The following MMAB variants were observed in gnomAD, a reference collection of about 807,000 sequenced individuals.
The protein encoded by MMAB is metabolism of cobalamin associated B, also known as corrinoid adenosyltransferase MMAB.
In MMAB, 17 loss-of-function variants were observed where a neutral mutation model predicts 30.6. That is an observed-to-expected ratio of 0.56 (90% confidence interval 0.38 to 0.83). MMAB has a LOEUF of 0.83. MMAB is among the 40% of genes least tolerant of loss of function. MMAB has a pLI of 0.00. For synonymous variants in MMAB, 134 were observed against 138.6 expected, an observed-to-expected ratio of 0.97 and a Z score of 0.23; for missense variants, 311 against 331.6, an observed-to-expected ratio of 0.94 and a Z score of 0.48.
In MMAB at chr12:109,555,557, G is replaced by A. The variant is rs1282701916; in HGVS notation, c.*1471C>T. 8 of 446,860 alleles carry A rather than the reference G, an allele frequency of 1.8e-5. No individual in the cohort carries two copies. Among genetic ancestry groups the A allele is most frequent in the Non-Finnish European group, 3.6e-5 (8 of 224,252 alleles). The allele number at this position is 446,860 out of a possible 1,614,324, so 27.7% of individuals were successfully genotyped here. A position where few individuals can be genotyped will look rare whatever the true frequency, so the allele number is the denominator to read the frequency against. ...GATCTGCCTGCCTCGGCCTCCCAAA[G>A]TCCGTTTTCAGCTCTGTTTTGCAAA... On this transcript the variant is annotated 3_prime_UTR_variant, in exon 9 of 9. Coordinates refer to ENST00000545712, the MANE Select transcript of MMAB (RefSeq NM_052845.4).
Position 109,555,508 on chromosome 12 carries a change from G to T in MMAB, c.*1520C>A, listed in dbSNP as rs1381372727. On this transcript the variant is annotated 3_prime_UTR_variant, in exon 9 of 9. Coordinates refer to ENST00000545712, the MANE Select transcript of MMAB (RefSeq NM_052845.4). ...GGGGTTTTACCATGTTGACCAGGCT[G>T]GTCTCAAACTCCTGACCTCAGGTGA... The T allele has an allele frequency of 2.4e-6, 1 of 419,138 alleles. No individual in the cohort carries two copies. Among genetic ancestry groups the T allele is most frequent in the Non-Finnish European group, 4.6e-6 (1 of 215,722 alleles). The allele number at this position is 419,138 out of a possible 1,614,324, so 26.0% of individuals were successfully genotyped here.
At chr12:109,567,166 G>T in intron 3 of MMAB, 5 of 358,960 alleles carry the variant, frequency 1.4e-5, no homozygotes, top group Admixed American at 3.5e-5. Context: ...GCGAAACTCC[G>T]TCTCGGAAAA....
chr12:109,564,798 T>C (rs1227812429), intron 4 of MMAB: 1 of 451,928 alleles, frequency 2.2e-6, no homozygotes, highest in Non-Finnish European at 4.1e-6. Context: ...CCTACCTCAG[T>C]TTCCTGAGTA....
At chr12:109,560,778 T>C (rs1298350559) in intron 7 of MMAB, among the ~76,000 whole-genome samples, 1 of 152,186 alleles carries the variant, frequency 6.6e-6, no homozygotes, top group African/African-American at 2.4e-5. Flanking sequence ...CATGTCACTG[T>C]CTCCACTTCA....
At chr12:109,570,026 C>A in intron 2 of MMAB, 1 of 249,822 alleles carries the variant, frequency 4.0e-6, no homozygotes, top group South Asian at 3.1e-5. Context: ...CTTTGGGAGG[C>A]CATGGTGGGC....
At position 109,555,062 on chromosome 12, in the gene MMAB, C is replaced by A. The variant is rs1420136887; in HGVS notation, c.*1966G>T. ...AACGGCCTTGTTTCAAAGATTGTCA[C>A]TTTAGGATGTTGTATTTACTCAAAA... is the stretch of plus-strand genomic sequence containing the variant. On this transcript the variant is annotated 3_prime_UTR_variant, in exon 9 of 9. Transcript: ENST00000545712. The A allele has an allele frequency of 2.2e-6, 1 of 454,026 alleles. No individual in the cohort carries two copies. The highest frequency in any genetic ancestry group is 6.9e-5 in the East Asian group (1 of 14,396). 28.1% of individuals were successfully genotyped at this position (454,026 alleles called of 1,614,324 possible). A position where few individuals can be genotyped will look rare whatever the true frequency, so the allele number is the denominator to read the frequency against.
rs1198224647 is a variant in MMAB, at chr12:109,572,470, T to G, written c.135-760A>C. On this transcript the variant is annotated intron_variant, in intron 1 of 8. Coordinates refer to ENST00000545712, the MANE Select transcript of MMAB (RefSeq NM_052845.4). ...TTTCACCATGTTGCTCAGGCTGGTT[T>G]TGAACTCCTGAGCTCAAGCAATACT... is the stretch of plus-strand genomic sequence containing the variant. Among the ~76,000 whole-genome samples the G allele has an allele frequency of 5.3e-5, 8 of 151,476 alleles. No individual in the cohort carries two copies. In the South Asian group the frequency reaches 1.1e-3, roughly 20 times the overall value.
At position 109,558,192 on chromosome 12, in the gene MMAB, G is replaced by A. The variant is rs1339371193; in HGVS notation, c.644+904C>T. On this transcript the variant is annotated intron_variant, in intron 8 of 8. Coordinates refer to ENST00000545712, the MANE Select transcript of MMAB (RefSeq NM_052845.4). The surrounding 1 kb of genome is among the most constrained non-coding windows in gnomAD (Gnocchi z 4.3). The stretch of plus-strand genomic sequence containing the variant: ...CCCCTGGGCCGCATGCTCCTGGAGG[G>A]CAGTGGTGTGCCTGTTGCTTGTTGG... Among the ~76,000 whole-genome samples, 1 of 152,180 alleles carries A rather than the reference G, an allele frequency of 6.6e-6. No homozygotes were observed. Among genetic ancestry groups the A allele is most frequent in the Non-Finnish European group, 1.5e-5 (1 of 68,028 alleles).
At chr12:109,564,379 G>GTTTT (rs869192707) in intron 4 of MMAB, among the ~76,000 whole-genome samples, 3 of 126,750 alleles carry the variant, frequency 2.4e-5, no homozygotes, top group African/African-American at 2.9e-5. Context: ...GGAGACAGAG[G>GTTTT]TTTTTTTTTT....
At position 109,558,958 on chromosome 12, in the gene MMAB, G is replaced by A. The variant is rs1884088117; in HGVS notation, c.644+138C>T. The A allele has an allele frequency of 9.8e-6, 7 of 713,418 alleles. No homozygotes were observed. Among genetic ancestry groups the A allele is most frequent in the Non-Finnish European group, 1.8e-5 (7 of 396,182 alleles). 44.2% of individuals were successfully genotyped at this position (713,418 alleles called of 1,614,324 possible). ...GCGTGGTGCCTGGCACAGAGCAGAT[G>A]TTCATAAACACTAAGGGAATGAAGG... On this transcript the variant is annotated intron_variant, in intron 8 of 8. Transcript: ENST00000545712. This position sits in a 1 kb window ranked among gnomAD's most constrained non-coding sequence, Gnocchi z 4.3.
At chr12:109,560,109 G>GT (rs903406723) in intron 7 of MMAB, among the ~76,000 whole-genome samples, 1 of 152,234 alleles carries the variant, frequency 6.6e-6, no homozygotes, top group Non-Finnish European at 1.5e-5. Flanking sequence ...ACAAATGACA[G>GT]TTTTTTCTTT....
At chr12:109,559,183 G>C in intron 7 of MMAB, 28 bp from the exon 8 acceptor site, 3 of 1,564,684 alleles carry the variant, frequency 1.9e-6, no homozygotes, top group Non-Finnish European at 2.6e-6. Flanking sequence ...ACTGAGTCAC[G>C]TGACATTATG....
chr12:109,559,289 G>A, intron 7 of MMAB, 134 bp from the exon 8 acceptor site: 3 of 731,958 alleles, frequency 4.1e-6, no homozygotes, highest in Non-Finnish European at 2.5e-6. Flanking sequence ...GCCGGCAGTG[G>A]AGATGACAAA....
At chr12:109,560,110 T>C (rs1884140001) in intron 7 of MMAB, among the ~76,000 whole-genome samples, 1 of 152,198 alleles carries the variant, frequency 6.6e-6, no homozygotes, top group Non-Finnish European at 1.5e-5. Context: ...CAAATGACAG[T>C]TTTTTCTTTT....
Position 109,569,167 on chromosome 12 carries a change from G to A in MMAB, c.197-304C>T, listed in dbSNP as rs1884547750. Among the ~76,000 whole-genome samples the A allele has an allele frequency of 6.6e-6, 1 of 151,922 alleles. No homozygotes were observed. Among genetic ancestry groups the A allele is most frequent in the Admixed American group, 6.6e-5 (1 of 15,240 alleles). On this transcript the variant is annotated intron_variant, in intron 2 of 8. Coordinates refer to ENST00000545712, the MANE Select transcript of MMAB (RefSeq NM_052845.4). This position sits in a 1 kb window ranked among gnomAD's most constrained non-coding sequence, Gnocchi z 4.1. ...CGCCCATGTTGGCCGAGCTAGTCTT[G>A]AACTCCTGGTCTCAAGTGATTCACC...
rs1388113837 is a variant in MMAB, at chr12:109,561,678, C to T, written c.421+102G>A. ...AGGAGCTACGAGCAAGGCTAACTGACCCACCCGTGGGTCCCTGGGGGCCTG... is the reference window on the plus strand; with the variant it reads ...AGGAGCTACGAGCAAGGCTAACTGATCCACCCGTGGGTCCCTGGGGGCCTG... On this transcript the variant is annotated intron_variant, in intron 5 of 8. Coordinates refer to ENST00000545712, the MANE Select transcript of MMAB (RefSeq NM_052845.4). This position sits in a 1 kb window ranked among gnomAD's most constrained non-coding sequence, Gnocchi z 5.3. The T allele has an allele frequency of 7.8e-7, 1 of 1,279,140 alleles. No homozygotes were observed. Among genetic ancestry groups the T allele is most frequent in the African/African-American group, 1.5e-5 (1 of 67,554 alleles). 79.2% of individuals were successfully genotyped at this position (1,279,140 alleles called of 1,614,324 possible).
chr12:109,571,561 T>C, intron 2 of MMAB, 88 bp downstream of exon 2: 2 of 1,320,340 alleles, frequency 1.5e-6, no homozygotes, highest in Non-Finnish European at 2.2e-6. Flanking sequence ...ATATTATACT[T>C]TAAAGTGGCT....
chr12:109,564,829 C>A (rs573244495), intron 4 of MMAB: 180 of 527,740 alleles, frequency 3.4e-4, no homozygotes, highest in African/African-American at 3.0e-3. Context: ...CAGGCATTCA[C>A]CACTATGCCT....
Position 109,558,333 on chromosome 12 carries a change from C to G in MMAB, c.644+763G>C, listed in dbSNP as rs1195946723. Among the ~76,000 whole-genome samples, 1 of 152,182 alleles carries G rather than the reference C, an allele frequency of 6.6e-6. No homozygotes were observed. The highest frequency in any genetic ancestry group is 1.5e-5 in the Non-Finnish European group (1 of 68,016). On this transcript the variant is annotated intron_variant, in intron 8 of 8. Coordinates refer to ENST00000545712, the MANE Select transcript of MMAB (RefSeq NM_052845.4). The surrounding 1 kb of genome is among the most constrained non-coding windows in gnomAD (Gnocchi z 4.3). ...TGCTCCTCACTCCCGGCGAAACCCC[C>G]CTCCCAGAAGGAAAGGAGCTGCTCA...
Sources: gnomAD v4.1 joint callset for allele counts (sites outside exome capture counted in the v4.1 genomes callset) on GRCh38, gnomAD v4.1.1 for gene constraint, Gnocchi (gnomAD v3.1) non-coding constraint, MANE v1.5 for transcripts, NCBI Gene and HGNC (gene_info 2026-07-23, HGNC 2026-07-21) for gene names.